Variants in CNBD1 observed in about 807,000 individuals in gnomAD.
CNBD1 encodes the protein cyclic nucleotide-binding domain-containing protein 1.
CNBD1 carries 71 observed loss-of-function variants against 54.4 expected under a neutral mutation model. That is an observed-to-expected ratio of 1.30 (90% confidence interval 1.08 to 1.59). CNBD1 has a LOEUF of 1.59. CNBD1 is among the 40% of genes most tolerant of loss of function. The pLI, the probability that CNBD1 is intolerant of heterozygous loss-of-function variation, is 0.00. For missense variants in CNBD1, 659 were observed against 518.0 expected (o/e 1.27, Z -2.64); for synonymous variants, 182 against 170.7 (o/e 1.07, Z -0.51).
intron 6 of CNBD1, among the ~76,000 whole-genome samples, chr8:87,267,993 T>A (rs1201641319): frequency 2.0e-5 from 3 of 152,114 alleles, no homozygotes; most frequent in African/African-American, 4.8e-5. Flanking sequence ...GCGATACACA[T>A]GTAGGTTTAA....
intron 8 of CNBD1, among the ~76,000 whole-genome samples, chr8:87,332,372 T>C (rs1169596858): frequency 6.6e-6 from 1 of 150,776 alleles, no homozygotes; most frequent in Non-Finnish European, 1.5e-5. Context: ...AAAAAGAAAC[T>C]CTTTAGTTTA....
chr8:87,337,725 G>A (rs1484660286), intron 8 of CNBD1, among the ~76,000 whole-genome samples: 2 of 152,336 alleles, frequency 1.3e-5, no homozygotes, highest in African/African-American at 4.8e-5. Context: ...GCTCTCAGGT[G>A]TCCCGTGTGG....
chr8:87,381,550 G>T (rs1003824323), intron 10 of CNBD1, among the ~76,000 whole-genome samples: 1 of 151,942 alleles, frequency 6.6e-6, no homozygotes, highest in Non-Finnish European at 1.5e-5. Context: ...TTTAAATTGG[G>T]ATCTCAAAGA....
chr8:86,866,634 G>T, intron 1 of CNBD1, 51 bp downstream of exon 1: 1 of 1,375,956 alleles, frequency 7.3e-7, no homozygotes, highest in South Asian at 1.2e-5. Context: ...TGTTTTCAGC[G>T]GTTCTTACCC....
rs531721034 is a variant in CNBD1 at position 87,031,725 on chromosome 8, C to A, written c.431+91971C>A. On this transcript the variant is annotated intron_variant, in intron 4 of 10. Transcript: ENST00000518476. ...ATTGACATCCAATTAGTCACTAAAC[C>A]CTTCCTTTACGTTCTTATCATTTAT... Among the ~76,000 whole-genome samples the A allele has an allele frequency of 8.5e-5, 13 of 152,058 alleles. No individual in the cohort carries two copies. The South Asian group carries it at 2.3e-3, about 27-fold the overall frequency.
intron 4 of CNBD1, among the ~76,000 whole-genome samples, chr8:86,940,808 A>G (rs959919030): frequency 4.6e-5 from 7 of 152,222 alleles, no homozygotes; most frequent in African/African-American, 1.4e-4. Context: ...GTAATTAAAA[A>G]TTTGACATTT....
chr8:87,239,118 C>T (rs188188982), intron 6 of CNBD1, among the ~76,000 whole-genome samples: 1 of 152,092 alleles, frequency 6.6e-6, no homozygotes, highest in East Asian at 1.9e-4. Context: ...GCTCTAAATC[C>T]AGTATTTTTT....
At chr8:86,987,909 G>A (rs1808644140) in intron 4 of CNBD1, among the ~76,000 whole-genome samples, 1 of 152,024 alleles carries the variant, frequency 6.6e-6, no homozygotes, top group Non-Finnish European at 1.5e-5. Context: ...CTAGTATTTT[G>A]TTCAGAACTT....
At chr8:86,962,422 C>A (rs1807954470) in intron 4 of CNBD1, among the ~76,000 whole-genome samples, 1 of 152,054 alleles carries the variant, frequency 6.6e-6, no homozygotes, top group African/African-American at 2.4e-5. Context: ...GCCAAATGGC[C>A]ATTTGAATTC....
At chr8:87,225,395 T>C (rs944147974) in intron 5 of CNBD1, among the ~76,000 whole-genome samples, 6 of 152,134 alleles carry the variant, frequency 3.9e-5, no homozygotes, top group Non-Finnish European at 8.8e-5. Flanking sequence ...ATAGCTCTTA[T>C]TATTTTGAAA....
At chr8:87,040,754 A>C (rs940055718) in intron 4 of CNBD1, among the ~76,000 whole-genome samples, 4 of 151,238 alleles carry the variant, frequency 2.6e-5, no homozygotes, top group Non-Finnish European at 5.9e-5. Context: ...AAATTTTCTT[A>C]GGTTTATTTT....
chr8:87,384,274 A>G (rs1811142661), downstream of CNBD1, among the ~76,000 whole-genome samples: 1 of 152,126 alleles, frequency 6.6e-6, no homozygotes, highest in African/African-American at 2.4e-5. Flanking sequence ...CATTTATTGA[A>G]TATTCCATAT....
rs138674763 is a variant in CNBD1 at position 87,343,632 on chromosome 8, T to C, written c.1043-8053T>C. On this transcript the variant is annotated intron_variant, in intron 8 of 10. Coordinates refer to ENST00000518476, the MANE Select transcript of CNBD1 (RefSeq NM_173538.3). ...TCAATTAAGGAGCAGAGAGCTTTTG[T>C]ACATTTTAACAAAGTTGAATACTAT... 7.9e-5 allele frequency among the ~76,000 whole-genome samples: 12 copies of C among 152,356 alleles called. 1 individual carries two copies. The highest frequency in any genetic ancestry group is 2.6e-4 in the African/African-American group (11 of 41,580).
At chr8:87,133,061 A>G (rs1055518292) in intron 4 of CNBD1, among the ~76,000 whole-genome samples, 20 of 151,604 alleles carry the variant, frequency 1.3e-4, no homozygotes, top group Non-Finnish European at 2.2e-4. Context: ...ATTTTAAAAA[A>G]TGATCTTATA....
intron 4 of CNBD1, among the ~76,000 whole-genome samples, chr8:86,967,053 C>G (rs1348542562): frequency 6.6e-6 from 1 of 152,162 alleles, no homozygotes; most frequent in Non-Finnish European, 1.5e-5. Context: ...CAATCCTTAG[C>G]TAGACAGAAA....
chr8:87,341,415 G>A (rs1024726966), intron 8 of CNBD1, among the ~76,000 whole-genome samples: 2 of 152,156 alleles, frequency 1.3e-5, no homozygotes, highest in African/African-American at 4.8e-5. Context: ...GGGGAAACTG[G>A]TTGCTGGGAG....
At chr8:86,919,870 C>G (rs1426001190) in intron 3 of CNBD1, among the ~76,000 whole-genome samples, 1 of 152,100 alleles carries the variant, frequency 6.6e-6, no homozygotes, top group Non-Finnish European at 1.5e-5. Flanking sequence ...AATGCAGATT[C>G]CAATTCAGAG....
chr8:87,425,157 G>C (rs1251033073), intron 2 of CNBD1, among the ~76,000 whole-genome samples: 1 of 152,010 alleles, frequency 6.6e-6, no homozygotes, highest in African/African-American at 2.4e-5. Context: ...CTCGGGCCTT[G>C]GTTTTCAGCT....
intron 2 of CNBD1, among the ~76,000 whole-genome samples, chr8:87,399,776 G>A (rs1202654909): frequency 6.6e-6 from 1 of 151,920 alleles, no homozygotes; most frequent in Non-Finnish European, 1.5e-5. Flanking sequence ...GATAGTTATG[G>A]TGCTTGGACA....
Sources: allele counts gnomAD v4.1 joint callset (sites outside exome capture counted in the v4.1 genomes callset), GRCh38; gene constraint gnomAD v4.1.1; transcripts MANE v1.5; gene names NCBI Gene and HGNC (gene_info 2026-07-23, HGNC 2026-07-21).